The following CCDC171 variants were observed in gnomAD, a reference collection of about 807,000 sequenced individuals.
The protein encoded by CCDC171 is coiled-coil domain containing 171.
In CCDC171, 177 loss-of-function variants were observed where a neutral mutation model predicts 168.2. The observed-to-expected ratio is 1.05, with a 90% CI of 0.93 to 1.19. The LOEUF is 1.19. Ranked by LOEUF, CCDC171 falls within the 50% of genes most tolerant of loss-of-function variation. CCDC171 has a pLI of 0.00. For missense variants in CCDC171, 1,991 were observed against 1,539.0 expected (o/e 1.29, Z -4.91); for synonymous variants, 687 against 540.8 (o/e 1.27, Z -3.75).
intron 7 of CCDC171, among the ~76,000 whole-genome samples, chr9:16,035,715 C>T (rs1442640995): frequency 6.6e-6 from 1 of 152,190 alleles, no homozygotes; most frequent in Non-Finnish European, 1.5e-5. Flanking sequence ...TCCCTGCTGC[C>T]TCTATGTGTT....
chr9:16,024,585 A>T (rs947607991), intron 6 of CCDC171, among the ~76,000 whole-genome samples: 17 of 152,220 alleles, frequency 1.1e-4, no homozygotes, highest in African/African-American at 4.1e-4. Flanking sequence ...GGTTCAGAAG[A>T]GGAACTGTGT....
intron 3 of CCDC171, among the ~76,000 whole-genome samples, chr9:16,001,813 G>GTTACTGGT (rs1564112640): frequency 6.7e-6 from 1 of 150,072 alleles, no homozygotes; most frequent in Non-Finnish European, 1.5e-5. Flanking sequence ...AAATGACTAT[G>GTTACTGGT]TTACTGGTTT....
chr9:15,902,323 C>G (rs1563967571), intron 24 of CCDC171, among the ~76,000 whole-genome samples: 1 of 151,050 alleles, frequency 6.6e-6, no homozygotes, highest in Non-Finnish European at 1.5e-5. Context: ...ATGTAATTTT[C>G]TAGCCACAGT....
At chr9:15,772,334 G>C (rs2057057178) in intron 18 of CCDC171, among the ~76,000 whole-genome samples, 1 of 152,068 alleles carries the variant, frequency 6.6e-6, no homozygotes, top group South Asian at 2.1e-4. Context: ...TTTACAGTAA[G>C]ACAAATTCGC....
chr9:15,980,930 T>C (rs1261040442), intron 3 of CCDC171, among the ~76,000 whole-genome samples: 2 of 151,708 alleles, frequency 1.3e-5, no homozygotes, highest in African/African-American at 4.8e-5. Context: ...TACAGTTCCA[T>C]GTGGTTGGGA....
chr9:15,768,035 A>C (rs923821173), intron 18 of CCDC171, among the ~76,000 whole-genome samples: 1 of 150,040 alleles, frequency 6.7e-6, no homozygotes, highest in African/African-American at 2.5e-5. Flanking sequence ...GCGCCCAGCC[A>C]CTTAGCTATG....
At chr9:15,830,479 C>T (rs546683381) in intron 21 of CCDC171, among the ~76,000 whole-genome samples, 2 of 152,222 alleles carry the variant, frequency 1.3e-5, no homozygotes, top group East Asian at 3.9e-4. Context: ...ACAAACAAAA[C>T]CCTATAACAG....
At chr9:16,019,230 G>T (rs938712199) in intron 3 of CCDC171, among the ~76,000 whole-genome samples, 4 of 152,088 alleles carry the variant, frequency 2.6e-5, no homozygotes, top group African/African-American at 9.7e-5. Context: ...AGAACCAAAG[G>T]CAGGTCCCTG....
rs1564299137 is a variant in CCDC171 at position 15,729,644 on chromosome 9, C to G, written c.1895C>G (p.Ser632Cys). 6.2e-7 allele frequency: 1 copy of G among 1,612,786 alleles called. No homozygotes were observed. The highest frequency in any genetic ancestry group is 2.2e-5 in the East Asian group (1 of 44,858). Reference protein sequence around the residue: ...RHLEYICKNKSDTMRELQQTQ... With the variant: ...RHLEYICKNKCDTMRELQQTQ... The stretch of plus-strand genomic sequence containing the variant: ...CTAGAGTATATCTGTAAAAACAAGT[C>G]TGACACGATGAGAGAGCTTCAGCAG... Residue 632 changes from serine to cysteine, a missense_variant, in exon 16 of 26, where the codon TCT (serine) becomes TGT (cysteine). Coordinates refer to ENST00000380701, the MANE Select transcript of CCDC171 (RefSeq NM_173550.4).
In CCDC171 at chr9:15,865,849, C is replaced by T. The variant is rs398102354; in HGVS notation, c.3469-8683C>T. Among the ~76,000 whole-genome samples the T allele has an allele frequency of 6.9e-3, 1,025 of 147,566 alleles. 8 individuals are homozygous for T. Among genetic ancestry groups the T allele is most frequent in the African/African-American group, 0.025 (991 of 40,142 alleles). ...GTTGTTCAAAGTTCAACTCTGCGTG[C>T]GTGTGTGTGTGTGTGTGTGTGTGTG... On this transcript the variant is annotated intron_variant, in intron 23 of 25. Transcript: ENST00000380701.
At chr9:15,827,066 C>T (rs947479989) in intron 21 of CCDC171, among the ~76,000 whole-genome samples, 1 of 152,150 alleles carries the variant, frequency 6.6e-6, no homozygotes, top group Non-Finnish European at 1.5e-5. Context: ...GGGCTATGAG[C>T]TTGCTGTTAG....
chr9:15,735,298 T>G (rs1260487265), intron 16 of CCDC171, among the ~76,000 whole-genome samples: 1 of 152,210 alleles, frequency 6.6e-6, no homozygotes, highest in African/African-American at 2.4e-5. Context: ...CTATGCCTAC[T>G]AAAGTATCTG....
intron 7 of CCDC171, among the ~76,000 whole-genome samples, chr9:15,650,630 A>G (rs1252801349): frequency 6.6e-6 from 1 of 152,140 alleles, no homozygotes; most frequent in Non-Finnish European, 1.5e-5. Context: ...GTGCTCAGAT[A>G]TATGATTTGT....
intron 25 of CCDC171, among the ~76,000 whole-genome samples, chr9:15,945,296 T>G (rs1439112202): frequency 6.7e-6 from 1 of 148,868 alleles, no homozygotes; most frequent in Non-Finnish European, 1.5e-5. Context: ...ACATTTGGGT[T>G]GGTTCCAAGT....
intron 25 of CCDC171, among the ~76,000 whole-genome samples, chr9:15,968,649 C>T (rs1302961906): frequency 1.3e-5 from 2 of 150,084 alleles, no homozygotes; most frequent in Non-Finnish European, 2.9e-5. Flanking sequence ...TGGATTCAAG[C>T]GATTCCCCTG....
At chr9:15,935,963 C>T (rs1564025538) in intron 25 of CCDC171, among the ~76,000 whole-genome samples, 1 of 152,048 alleles carries the variant, frequency 6.6e-6, no homozygotes, top group African/African-American at 2.4e-5. Flanking sequence ...TTAAATGTTA[C>T]AGAATGTAAC....
chr9:15,616,729 A>G (rs982211810), intron 6 of CCDC171, among the ~76,000 whole-genome samples: 1 of 152,202 alleles, frequency 6.6e-6, no homozygotes, highest in Non-Finnish European at 1.5e-5. Context: ...ATATAGAATA[A>G]TAGTCTTTTA....
chr9:15,788,589 T>G (rs2058088198), intron 21 of CCDC171, among the ~76,000 whole-genome samples: 1 of 141,096 alleles, frequency 7.1e-6, no homozygotes, highest in South Asian at 2.2e-4. Context: ...TATGTTTTTG[T>G]TTTTTTTTTT....
chr9:16,070,040 G>A, the CCDC171 span, among the ~76,000 whole-genome samples: 2 of 152,110 alleles, frequency 1.3e-5, no homozygotes, highest in Non-Finnish European at 2.9e-5. Context: ...GCTCTCTGAG[G>A]GTGTGTGCTC....
Sources: gnomAD v4.1 joint callset for allele counts (sites outside exome capture counted in the v4.1 genomes callset) on GRCh38, gnomAD v4.1.1 for gene constraint, MANE v1.5 for transcripts, NCBI Gene and HGNC (gene_info 2026-07-23, HGNC 2026-07-21) for gene names.